HDGFL3: variants seen among roughly 807,000 people sequenced by gnomAD.
HDGFL3 encodes the protein hepatoma-derived growth factor-related protein 3.
HDGFL3 carries 6 observed loss-of-function variants against 27.6 expected under a neutral mutation model. That is an observed-to-expected ratio of 0.22 (90% confidence interval 0.12 to 0.43). The LOEUF is 0.43. HDGFL3 is among the 20% of genes least tolerant of loss of function. The probability of loss-of-function intolerance (pLI) is 1.00; values close to 1 mark genes in which losing one functional copy is unlikely to be tolerated. For missense variants in HDGFL3, 207 were observed against 250.1 expected (o/e 0.83, Z 1.16); for synonymous variants, 88 against 88.9 (o/e 0.99, Z 0.05).
At chr15:83,123,970 A>C (rs1403393761), downstream of HDGFL3, among the ~76,000 whole-genome samples, 6 of 152,236 alleles carry the variant, frequency 3.9e-5, no homozygotes, top group Admixed American at 6.5e-5. Flanking sequence ...TCTGGAACCC[A>C]ATAATTCTGC....
chr15:83,136,536 G>C lies in HDGFL3; in HGVS notation c.*2734C>G. The stretch of plus-strand genomic sequence containing the variant: ...CATGCTAGAACTGCTTATGTCTACA[G>C]AGTCCCTGAAGAAGCAAAAATCCTT... On this transcript the variant is annotated 3_prime_UTR_variant, in exon 6 of 6. Coordinates refer to ENST00000299633, the MANE Select transcript of HDGFL3 (RefSeq NM_016073.4). 1 of 1,613,382 alleles carries C rather than the reference G, an allele frequency of 6.2e-7. No homozygotes were observed. The highest frequency in any genetic ancestry group is 8.5e-7 in the Non-Finnish European group (1 of 1,179,794).
intron 1 of HDGFL3, chr15:83,189,221 A>G (rs1002952436): frequency 1.3e-5 from 2 of 151,504 alleles, no homozygotes; most frequent in African/African-American, 4.9e-5. Context: ...CCCAACAATC[A>G]ATTCTTCAGT....
At chr15:83,157,240 T>C (rs2037042291) in intron 4 of HDGFL3, 175 bp downstream of exon 4, 3 of 646,528 alleles carry the variant, frequency 4.6e-6, no homozygotes, top group Admixed American at 5.7e-5. Flanking sequence ...AATAGTCAGA[T>C]TGCTCTAATA....
rs1437146968 is a variant in HDGFL3, at chr15:83,157,895, A to G, written c.300+8T>C. The G allele has an allele frequency of 1.9e-6, 3 of 1,609,288 alleles. No homozygotes were observed. The highest frequency in any genetic ancestry group is 2.5e-6 in the Non-Finnish European group (3 of 1,178,228). ...GATATAGCAAGTGACAAGGAAGTAA[A>G]CCATTACCTGGTAGCCAGTAAACTT... On this transcript the variant is annotated splice_region_variant and intron_variant, in intron 3 of 5. Coordinates refer to ENST00000299633, the MANE Select transcript of HDGFL3 (RefSeq NM_016073.4).
intron 4 of HDGFL3, among the ~76,000 whole-genome samples, chr15:83,156,377 G>A (rs939471999): frequency 6.6e-6 from 1 of 152,034 alleles, no homozygotes; most frequent in African/African-American, 2.4e-5. Context: ...TGATTACTGT[G>A]TGCTACCCCC....
rs1461957217 is a variant in HDGFL3, at chr15:83,135,561, A to C, written c.*3709T>G. On this transcript the variant is annotated 3_prime_UTR_variant, in exon 6 of 6. Coordinates refer to ENST00000299633, the MANE Select transcript of HDGFL3 (RefSeq NM_016073.4). The stretch of plus-strand genomic sequence containing the variant: ...TGTAATGATACAAGCCTTCTGAGGA[A>C]ATTTTCTGACAGGAGCTTTTAATCC... The C allele has an allele frequency of 6.6e-6, 1 of 152,178 alleles. No homozygotes were observed. The highest frequency in any genetic ancestry group is 2.4e-5 in the African/African-American group (1 of 41,444). The allele number at this position is 152,178 out of a possible 1,614,324, so 9.4% of individuals were successfully genotyped here. A position where few individuals can be genotyped will look rare whatever the true frequency, so the allele number is the denominator to read the frequency against.
downstream of HDGFL3, chr15:83,124,555 A>C (rs2035560120): frequency 2.7e-6 from 2 of 738,094 alleles, no homozygotes; most frequent in Middle Eastern, 2.5e-4. Flanking sequence ...GTGATTTATG[A>C]TATAAATTGT....
intron 1 of HDGFL3, among the ~76,000 whole-genome samples, chr15:83,200,082 A>G (rs561167924): frequency 1.6e-4 from 23 of 147,170 alleles, no homozygotes; most frequent in African/African-American, 5.8e-4. Flanking sequence ...GGTGGCTTAC[A>G]CCTGTAATCC....
At chr15:83,125,440 T>C (rs1200593881), downstream of HDGFL3, among the ~76,000 whole-genome samples, 1 of 152,230 alleles carries the variant, frequency 6.6e-6, no homozygotes, top group African/African-American at 2.4e-5. Context: ...GAAAAACTAC[T>C]TAACCTCTTG....
At chr15:83,172,670 T>A (rs552855676) in intron 1 of HDGFL3, among the ~76,000 whole-genome samples, 2 of 151,968 alleles carry the variant, frequency 1.3e-5, no homozygotes, top group East Asian at 3.9e-4. Flanking sequence ...AAACTCCGTC[T>A]CTACTAAAAA....
chr15:83,205,793 C>T (rs1454754555), intron 1 of HDGFL3, among the ~76,000 whole-genome samples: 1 of 152,136 alleles, frequency 6.6e-6, no homozygotes, highest in African/African-American at 2.4e-5. Flanking sequence ...TTCAGGGACT[C>T]CTAAAGTCAC....
chr15:83,126,064 C>T (rs552704394), downstream of HDGFL3, among the ~76,000 whole-genome samples: 2 of 152,246 alleles, frequency 1.3e-5, no homozygotes, highest in South Asian at 2.1e-4. Flanking sequence ...TCCCTGTGCA[C>T]GAGAAAAATG....
chr15:83,126,859 A>T, downstream of HDGFL3: 1 of 1,591,070 alleles, frequency 6.3e-7, no homozygotes, highest in South Asian at 1.1e-5. Flanking sequence ...TCAAGTAGTT[A>T]TGAAGCCTAA....
chr15:83,198,821 A>C (rs2037602761), intron 1 of HDGFL3, among the ~76,000 whole-genome samples: 1 of 152,226 alleles, frequency 6.6e-6, no homozygotes, highest in African/African-American at 2.4e-5. Flanking sequence ...TCACTACCAC[A>C]GGACCAGCAA....
intron 1 of HDGFL3, chr15:83,192,322 A>C (rs1277755803): frequency 4.4e-6 from 2 of 455,182 alleles, no homozygotes; most frequent in Middle Eastern, 3.6e-4. Flanking sequence ...AAAATAAAAA[A>C]CAAAACAAAA....
intron 1 of HDGFL3, among the ~76,000 whole-genome samples, chr15:83,194,578 A>T (rs570743245): frequency 8.5e-5 from 13 of 152,058 alleles, no homozygotes; most frequent in East Asian, 3.9e-4. Flanking sequence ...TACAATTAAA[A>T]TTTTTTTTTA....
chr15:83,160,572 A>G (rs1449165075), intron 2 of HDGFL3, among the ~76,000 whole-genome samples: 1 of 151,304 alleles, frequency 6.6e-6, no homozygotes, highest in Non-Finnish European at 1.5e-5. Context: ...ATTTGGGGGC[A>G]AAAAACTCAG....
chr15:83,116,656 G>T (rs112993256), intron 3 of HDGFL3, among the ~76,000 whole-genome samples: 11 of 152,218 alleles, frequency 7.2e-5, no homozygotes, highest in African/African-American at 2.7e-4. Flanking sequence ...GCAGGGAAGG[G>T]TCCGTGCCAT....
At chr15:83,174,881 G>A (rs1378044150) in intron 1 of HDGFL3, among the ~76,000 whole-genome samples, 1 of 152,178 alleles carries the variant, frequency 6.6e-6, no homozygotes, top group Non-Finnish European at 1.5e-5. Flanking sequence ...GTTGCAAATT[G>A]GTGGCCCTCA....
Sources: allele counts gnomAD v4.1 joint callset (sites outside exome capture counted in the v4.1 genomes callset), GRCh38; gene constraint gnomAD v4.1.1; transcripts MANE v1.5; gene names NCBI Gene and HGNC (gene_info 2026-07-23, HGNC 2026-07-21).